The following CCM2 variants were observed in gnomAD, a reference collection of about 807,000 sequenced individuals.
CCM2 encodes the protein cerebral cavernous malformations 2 protein.
CCM2 carries 25 observed loss-of-function variants against 44.9 expected under a neutral mutation model. The ratio of observed to expected loss-of-function variants is 0.56; its 90% CI spans 0.41 to 0.78. The LOEUF (loss-of-function observed/expected upper bound fraction) is 0.78. Ranked by LOEUF, CCM2 falls within the 30% of genes least tolerant of loss-of-function variation. The pLI is 0.00. For missense variants in CCM2, 481 were observed against 580.6 expected, an observed-to-expected ratio of 0.83 and a Z score of 1.76; for synonymous variants, 219 against 241.1, an observed-to-expected ratio of 0.91 and a Z score of 0.85.
intron 2 of CCM2, among the ~76,000 whole-genome samples, chr7:45,055,247 CA>C (rs979995436): frequency 1.5e-4 from 23 of 152,204 alleles, no homozygotes; most frequent in African/African-American, 5.5e-4. Flanking sequence ...AAGCACTTGA[CA>C]TATGACCCCA....
chr7:45,007,042 A>C (rs1015867100), intron 1 of CCM2, among the ~76,000 whole-genome samples: 2 of 152,216 alleles, frequency 1.3e-5, no homozygotes, highest in Non-Finnish European at 2.9e-5. Context: ...GTTGCTGGTC[A>C]TTCTGGCCTC....
chr7:45,014,864 G>T (rs1475236117), intron 1 of CCM2, among the ~76,000 whole-genome samples: 1 of 145,292 alleles, frequency 6.9e-6, no homozygotes, highest in Non-Finnish European at 1.5e-5. Flanking sequence ...TCGGCTGATC[G>T]GCCCACCTCA....
Position 45,074,369 on chromosome 7 carries a change from C to T in CCM2, c.1015C>T (p.Arg339Trp), listed in dbSNP as rs769322559. Residue 339 changes from arginine (R) to tryptophan (W), a missense_variant, in exon 9 of 10, where the codon CGG becomes TGG. Transcript: ENST00000258781. ...TATCCACGAGTTCTGCATCAACCTG[C>T]GGCAGCTCTACGGGGACAGCCGCAA... ...ASIHEFCINL[R>W]QLYGDSRKFL... is the part of the protein sequence containing the mutation. 6.2e-6 allele frequency: 10 copies of T among 1,613,568 alleles called. No homozygotes were observed. The highest frequency in any genetic ancestry group is 2.2e-5 in the South Asian group (2 of 91,078).
chr7:45,006,392 G>A (rs1282936480), intron 1 of CCM2, among the ~76,000 whole-genome samples: 2 of 151,556 alleles, frequency 1.3e-5, no homozygotes, highest in Non-Finnish European at 2.9e-5. Context: ...CACCCAGGCT[G>A]GAGTGCAGTG....
chr7:45,061,060 G>A (rs1798496132), intron 2 of CCM2, among the ~76,000 whole-genome samples: 1 of 152,186 alleles, frequency 6.6e-6, no homozygotes, highest in African/African-American at 2.4e-5. Flanking sequence ...AAAATCTCCT[G>A]TGTATCCTTG....
At chr7:45,023,977 A>G (rs1796590125) in intron 1 of CCM2, among the ~76,000 whole-genome samples, 1 of 151,508 alleles carries the variant, frequency 6.6e-6, no homozygotes, top group South Asian at 2.1e-4. Context: ...CGCCCTGCTA[A>G]TTTTGTATTT....
intron 2 of CCM2, among the ~76,000 whole-genome samples, chr7:45,052,309 A>G (rs537975898): frequency 4.6e-5 from 7 of 152,324 alleles, no homozygotes; most frequent in African/African-American, 1.7e-4. Context: ...TCAGGGCTGC[A>G]GAATTGGTAT....
chr7:45,002,245 G>A (rs1184135792), intron 1 of CCM2, among the ~76,000 whole-genome samples: 1 of 152,228 alleles, frequency 6.6e-6, no homozygotes, highest in Non-Finnish European at 1.5e-5. Context: ...GTACAGTTTG[G>A]ACGCTTAAAT....
intron 6 of CCM2, chr7:45,070,305 T>C (rs922606685): frequency 4.0e-5 from 15 of 377,936 alleles, no homozygotes; most frequent in South Asian, 2.5e-4. Context: ...TGTGATGGAA[T>C]TGGGGAGGCT....
chr7:45,068,356 G>A, intron 4 of CCM2, 87 bp from the exon 5 acceptor site: 1 of 1,575,094 alleles, frequency 6.3e-7, no homozygotes, highest in Non-Finnish European at 8.7e-7. Flanking sequence ...CTCTCAGCCT[G>A]TTTCCATGGC....
At chr7:45,056,548 G>A (rs6961697) in intron 2 of CCM2, among the ~76,000 whole-genome samples, 5,235 of 152,172 alleles carry the variant, frequency 0.034, 306 homozygotes, top group African/African-American at 0.12. Flanking sequence ...ATTTCATTAC[G>A]GTTTTGATTT....
chr7:45,056,690 A>G (rs1798279438), intron 2 of CCM2, among the ~76,000 whole-genome samples: 1 of 152,126 alleles, frequency 6.6e-6, no homozygotes, highest in African/African-American at 2.4e-5. Flanking sequence ...TTGGTTGTTG[A>G]GTTCTAGGAC....
chr7:45,033,280 C>G (rs1797055278), intron 1 of CCM2, among the ~76,000 whole-genome samples: 1 of 152,110 alleles, frequency 6.6e-6, no homozygotes. Flanking sequence ...CCAGTGCAGA[C>G]TGTAATTCTG....
At chr7:45,027,909 GC>G in intron 1 of CCM2, 3 of 1,130,590 alleles carry the variant, frequency 2.7e-6, no homozygotes, top group Non-Finnish European at 3.9e-6. Flanking sequence ...AGCTAGGGTA[GC>G]CCAGTCTCCA....
rs781385360 is a variant in CCM2 at position 45,074,259 on chromosome 7, C to T, written c.916-11C>T. ...GTGCCCAGCCCCCTATCTGGCTCTGCTCTCTTGCAGCTGCGCACCAAGCTG... is the reference window on the plus strand; with the variant it reads ...GTGCCCAGCCCCCTATCTGGCTCTGTTCTCTTGCAGCTGCGCACCAAGCTG... On this transcript the variant is annotated splice_polypyrimidine_tract_variant and intron_variant, in intron 8 of 9. Transcript: ENST00000258781. The T allele has an allele frequency of 1.2e-6, 2 of 1,613,440 alleles. No homozygotes were observed. Among genetic ancestry groups the T allele is most frequent in the Non-Finnish European group, 8.5e-7 (1 of 1,180,022 alleles).
chr7:45,052,597 T>C (rs1409272141), intron 2 of CCM2, among the ~76,000 whole-genome samples: 1 of 152,176 alleles, frequency 6.6e-6, no homozygotes, highest in Non-Finnish European at 1.5e-5. Flanking sequence ...AGTTCCTGAT[T>C]GGTTTGAGGA....
intron 1 of CCM2, chr7:45,027,325 C>CCT (rs1387155366): frequency 1.1e-5 from 4 of 350,350 alleles, no homozygotes; most frequent in African/African-American, 4.3e-5. Context: ...AATGGTAGCC[C>CCT]CTCACAGTGC....
At chr7:45,027,477 A>G in intron 1 of CCM2, 1 of 680,440 alleles carries the variant, frequency 1.5e-6, no homozygotes, top group Non-Finnish European at 2.4e-6. Flanking sequence ...GGAAGTAGGG[A>G]AAATGAGCTG....
intron 2 of CCM2, among the ~76,000 whole-genome samples, chr7:45,061,761 G>C (rs1340191491): frequency 1.3e-5 from 2 of 152,108 alleles, no homozygotes; most frequent in African/African-American, 4.8e-5. Flanking sequence ...CTGGGATTAT[G>C]GGCATGAGCC....
Sources: gnomAD v4.1 joint callset for allele counts (sites outside exome capture counted in the v4.1 genomes callset) on GRCh38, gnomAD v4.1.1 for gene constraint, MANE v1.5 for transcripts, NCBI Gene and HGNC (gene_info 2026-07-23, HGNC 2026-07-21) for gene names.